ABCB6: variants seen among roughly 807,000 people sequenced by gnomAD.
ABCB6 encodes ATP binding cassette subfamily B member 6 (LAN blood group).
Under a neutral mutation model 99.4 loss-of-function variants are expected in ABCB6, and 87 were observed. That is an observed-to-expected ratio of 0.88 (90% CI 0.74 to 1.05). ABCB6 has a LOEUF of 1.05. ABCB6 is among the 50% of genes least tolerant of loss of function. The probability of loss-of-function intolerance (pLI) is 0.00; values close to 1 mark genes in which losing one functional copy is unlikely to be tolerated. For synonymous variants in ABCB6, 482 were observed against 447.5 expected, an observed-to-expected ratio of 1.08 and a Z score of -0.97; for missense variants, 1,050 against 1,097.9, an observed-to-expected ratio of 0.96 and a Z score of 0.62.
intron 5 of ABCB6, 67 bp from the exon 6 acceptor site, chr2:219,215,149 C>T: frequency 6.3e-7 from 1 of 1,599,798 alleles, no homozygotes; most frequent in Non-Finnish European, 8.5e-7. Context: ...TGCCTCTAGG[C>T]ATTTCAGGGT....
rs1336288403 is a variant in ABCB6, at chr2:219,212,574, G to A, written c.1864-83C>T. 39 of 1,022,900 alleles carry A rather than the reference G, an allele frequency of 3.8e-5. 1 individual carries two copies. The South Asian group carries it at 3.9e-4, about 10-fold the overall frequency. 63.4% of individuals were successfully genotyped at this position (1,022,900 alleles called of 1,614,324 possible). A position where few individuals can be genotyped will look rare whatever the true frequency, so the allele number is the denominator to read the frequency against. On this transcript the variant is annotated intron_variant, in intron 13 of 18. Coordinates refer to ENST00000265316, the MANE Select transcript of ABCB6 (RefSeq NM_005689.4). ...ATCTCACTCCGTCACCCAGGCTGCAGTGCAATGGCGCGATCTCAGCTCACT... is the reference window on the plus strand; with the variant it reads ...ATCTCACTCCGTCACCCAGGCTGCAATGCAATGGCGCGATCTCAGCTCACT...
chr2:219,213,806 C>A lies in ABCB6; in HGVS notation c.1578+20G>T. 2 of 1,613,940 alleles carry A rather than the reference C, an allele frequency of 1.2e-6. No individual in the cohort carries two copies. The highest frequency in any genetic ancestry group is 2.2e-5 in the South Asian group (2 of 91,060). ...CCCTTTTCCTTGTGCCCCACTCTCT[C>A]ATCCAAGATCCTGCCTCACCTGTAG... is the stretch of plus-strand genomic sequence containing the variant. On this transcript the variant is annotated intron_variant, in intron 9 of 18. Transcript: ENST00000265316.
At position 219,216,921 on chromosome 2, in the gene ABCB6, C is replaced by T; in HGVS notation, c.688-89G>A. 8.1e-7 allele frequency: 1 copy of T among 1,229,518 alleles called. No individual in the cohort carries two copies. The highest frequency in any genetic ancestry group is 1.5e-5 in the South Asian group (1 of 64,554). 76.2% of individuals were successfully genotyped at this position (1,229,518 alleles called of 1,614,324 possible). A position where few individuals can be genotyped will look rare whatever the true frequency, so the allele number is the denominator to read the frequency against. On this transcript the variant is annotated intron_variant, in intron 2 of 18. Coordinates refer to ENST00000265316, the MANE Select transcript of ABCB6 (RefSeq NM_005689.4). The surrounding 1 kb of genome is among the most constrained non-coding windows in gnomAD (Gnocchi z 4.2). ...CTTCAGGGAAAAACCTATGGGGTTA[C>T]AGCTCCCAGGTATCTCAGACCCACA...
At chr2:219,214,216 A>T in intron 7 of ABCB6, 30 bp from the exon 8 acceptor site, 1 of 1,609,500 alleles carries the variant, frequency 6.2e-7, no homozygotes, top group Non-Finnish European at 8.5e-7. Flanking sequence ...TTTATTTGGC[A>T]TGGGCACAGC....
In ABCB6 at chr2:219,216,027, CG is replaced by C. The variant is rs1559237724; in HGVS notation, c.1123del (p.Arg375GlyfsTer47). The C allele has an allele frequency of 6.3e-7, 1 of 1,599,144 alleles. No individual in the cohort carries two copies. The highest frequency in any genetic ancestry group is 8.5e-7 in the Non-Finnish European group (1 of 1,171,118). On this transcript the variant is annotated frameshift_variant, in exon 5 of 19. Transcript: ENST00000265316. LOFTEE classifies it high-confidence loss of function. The surrounding 1 kb of genome is among the most constrained non-coding windows in gnomAD (Gnocchi z 4.2). ...RTGEVLRIAD[R>X]GTSSVTGLLS... ...CAGCCCTGTGACACTGGATGTGCCC[CG>C]ATCCGCGATCCGCAGCACCTCCCCT...
rs145427690 is a variant in ABCB6 at position 219,210,804 on chromosome 2, G to A, written c.2163C>T (p.Gly721=). The A allele has an allele frequency of 1.3e-4, 216 of 1,613,690 alleles. No individual in the cohort carries two copies. The highest frequency in any genetic ancestry group is 4.7e-4 in the South Asian group (43 of 91,070). The change falls in exon 16 of 19, where the codon GGC becomes GGT. Residue 721 remains glycine, a synonymous_variant. Transcript: ENST00000265316. ...CGCCGCTCAGCTTCAGTCCCCGCTC[G>A]CCCACCTGTGTCCTGTACCCTGTGG... ...AFPEGYRTQV[G]ERGLKLSGGE...
chr2:219,213,354 A>C (rs756405506), intron 11 of ABCB6, 28 bp from the exon 12 acceptor site: 1 of 1,613,866 alleles, frequency 6.2e-7, no homozygotes, highest in South Asian at 1.1e-5. Flanking sequence ...ATGTGTGCTG[A>C]GGTTCTCAGC....
rs781146478 is a variant in ABCB6, at chr2:219,218,477, GC to G, written c.196del (p.Ala66ProfsTer184). ...CACGTAGGGAGAGATGCGAGGGCCG[GC>G]CCCCCAAGACAGCGAATCAGCACCA... ...PAGADSLSWG[A>X]GPRISPYVLQ... On this transcript the variant is annotated frameshift_variant, in exon 1 of 19. Transcript: ENST00000265316. LOFTEE classifies it high-confidence loss of function. The G allele has an allele frequency of 1.0e-5, 16 of 1,607,418 alleles. No homozygotes were observed. The highest frequency in any genetic ancestry group is 1.3e-5 in the African/African-American group (1 of 74,878).
chr2:219,210,121 G>A (rs978671062), intron 18 of ABCB6, 75 bp from the exon 19 acceptor site: 1 of 1,595,230 alleles, frequency 6.3e-7, no homozygotes, highest in Non-Finnish European at 8.6e-7. Flanking sequence ...CCCACAGAGA[G>A]GACGGGATGG....
intron 5 of ABCB6, 102 bp from the exon 6 acceptor site, chr2:219,215,184 C>T: frequency 3.4e-6 from 5 of 1,466,672 alleles, no homozygotes; most frequent in Non-Finnish European, 4.6e-6. Flanking sequence ...AAGCAACAGA[C>T]TGGAACCAGT....
rs1314211962 is a variant in ABCB6, at chr2:219,210,227, T to TAA, written c.2420+2_2420+3insTT. 10 of 1,614,058 alleles carry TAA rather than the reference T, an allele frequency of 6.2e-6. No homozygotes were observed. Among genetic ancestry groups the TAA allele is most frequent in the African/African-American group, 1.3e-5 (1 of 74,908 alleles). ...CTGTCCTTTTGATCTATGTGTCTCT[T>TAA]ACCGTCCCCTCTCCACGATGCAGCC... On this transcript the variant is annotated splice_region_variant and intron_variant, in intron 18 of 18. Coordinates refer to ENST00000265316, the MANE Select transcript of ABCB6 (RefSeq NM_005689.4).
chr2:219,214,829 G>A lies in ABCB6; in HGVS notation c.1276+132C>T. On this transcript the variant is annotated intron_variant, in intron 6 of 18. Coordinates refer to ENST00000265316, the MANE Select transcript of ABCB6 (RefSeq NM_005689.4). Reference sequence around the variant, plus strand: ...AGAAGAGACCCGCCCATCACATGACGAGCACTAGGAGCCCATTCAAGTCCA... The same window carrying A: ...AGAAGAGACCCGCCCATCACATGACAAGCACTAGGAGCCCATTCAAGTCCA... 7 of 1,036,452 alleles carry A rather than the reference G, an allele frequency of 6.8e-6. No homozygotes were observed. The Middle Eastern group carries it at 9.1e-4, about 135-fold the overall frequency. The allele number at this position is 1,036,452 out of a possible 1,614,324, so 64.2% of individuals were successfully genotyped here.
rs372279035 is a variant in ABCB6 at position 219,217,768 on chromosome 2, C to T, written c.589G>A (p.Gly197Arg). ...SLWVLRYVVS[G>R]GLFVLGLWAP... ...CAGAGACCCAGGACAAACAGCCCTCCAGAGACCACATACCGCAGCACCCAC... is the reference window on the plus strand; with the variant it reads ...CAGAGACCCAGGACAAACAGCCCTCTAGAGACCACATACCGCAGCACCCAC... Residue 197 changes from glycine to arginine, a missense_variant, in exon 2 of 19, where the codon GGA becomes AGA. By Grantham distance (125) the Gly-to-Arg change is moderately radical. Coordinates refer to ENST00000265316, the MANE Select transcript of ABCB6 (RefSeq NM_005689.4). 24 of 1,614,066 alleles carry T rather than the reference C, an allele frequency of 1.5e-5. No homozygotes were observed. Among genetic ancestry groups the T allele is most frequent in the Non-Finnish European group, 1.9e-5 (22 of 1,180,000 alleles).
rs367776479 is a variant in ABCB6, at chr2:219,213,867, A to G, written c.1537T>C (p.Ser513Pro). The change falls in exon 9 of 19, where the codon TCC becomes CCC. Residue 513 changes from serine (S) to proline (P), a missense_variant. Ser to Pro is a moderately conservative substitution (Grantham distance 74). Transcript: ENST00000265316. ...GTGACAAAGTATGCGCAAAGCAGGG[A>G]GCCGGCGAGGAGCCCGAGCCCAATC... ...LVIGLGLLAG[S>P]LLCAYFVTEQ... The G allele has an allele frequency of 2.5e-6, 4 of 1,614,072 alleles. No individual in the cohort carries two copies. In the African/African-American group the frequency reaches 5.3e-5, roughly 22 times the overall value.
rs374541848 is a variant in ABCB6 at position 219,213,046 on chromosome 2, C to A, written c.1825G>T (p.Val609Leu). 1 of 1,613,908 alleles carries A rather than the reference C, an allele frequency of 6.2e-7. No homozygotes were observed. The highest frequency in any genetic ancestry group is 8.5e-7 in the Non-Finnish European group (1 of 1,179,884). Residue 609 changes from valine to leucine, a missense_variant, in exon 13 of 19, where the codon GTG becomes TTG. Coordinates refer to ENST00000265316, the MANE Select transcript of ABCB6 (RefSeq NM_005689.4). ...TGTCCAGGCATCACAGTGAAAGACA[C>A]GTCCTGCAGAGTCTCCCGCCTGCAA... ...YADGRETLQD[V>L]SFTVMPGQTL...
At chr2:219,217,585 A>G (rs1171105351) in intron 2 of ABCB6, 85 bp downstream of exon 2, 5 of 1,152,814 alleles carry the variant, frequency 4.3e-6, no homozygotes, top group Non-Finnish European at 6.2e-6. Flanking sequence ...TGGAGGTTGC[A>G]GTGAGCTGAG....
At position 219,210,282 on chromosome 2, in the gene ABCB6, T is replaced by C. The variant is rs770584111; in HGVS notation, c.2368A>G (p.Asn790Asp). ...TTGATGACGAGGATCTGGTCAGCAT[T>C]GACCACAGTTGAGAGCCTGAGAAGT... ...VVAHRLSTVV[N>D]ADQILVIKDG... is the part of the protein sequence containing the mutation. The change falls in exon 18 of 19, where the codon AAT (asparagine) becomes GAT (aspartate). Residue 790 changes from asparagine (N) to aspartate (D), a missense_variant. Asn to Asp is a conservative substitution (Grantham distance 23). Transcript: ENST00000265316. 6.2e-6 allele frequency: 10 copies of C among 1,614,090 alleles called. No homozygotes were observed. In the Admixed American group the frequency reaches 1.2e-4, roughly 19 times the overall value.
chr2:219,212,056 C>T (rs537906561), intron 14 of ABCB6, among the ~76,000 whole-genome samples: 2 of 152,238 alleles, frequency 1.3e-5, no homozygotes, highest in Non-Finnish European at 1.5e-5. Context: ...AGCCACCGCG[C>T]CCAGCAATTT....
In ABCB6 at chr2:219,213,816, C is replaced by G. The variant is rs1227695073; in HGVS notation, c.1578+10G>C. The G allele has an allele frequency of 6.2e-7, 1 of 1,614,000 alleles. No individual in the cohort carries two copies. Among genetic ancestry groups the G allele is most frequent in the Non-Finnish European group, 8.5e-7 (1 of 1,180,016 alleles). On this transcript the variant is annotated intron_variant, in intron 9 of 18. Coordinates refer to ENST00000265316, the MANE Select transcript of ABCB6 (RefSeq NM_005689.4). ...TGTGCCCCACTCTCTCATCCAAGAT[C>G]CTGCCTCACCTGTAGCTTCTGCTCA... is the stretch of plus-strand genomic sequence containing the variant.
Sources: allele counts gnomAD v4.1 joint callset (sites outside exome capture counted in the v4.1 genomes callset), GRCh38; gene constraint gnomAD v4.1.1; non-coding constraint Gnocchi (gnomAD v3.1); transcripts MANE v1.5; gene names NCBI Gene and HGNC (gene_info 2026-07-23, HGNC 2026-07-21).